TBC1D30: variants seen among roughly 807,000 people sequenced by gnomAD.
The protein encoded by TBC1D30 is TBC1 domain family member 30.
A neutral mutation model predicts 63.2 loss-of-function variants in TBC1D30; 31 were observed. That is an observed-to-expected ratio of 0.49 (90% CI 0.37 to 0.66). The LOEUF is 0.66. TBC1D30 is among the 30% of genes least tolerant of loss of function. The pLI is 0.00. For synonymous variants in TBC1D30, 307 were observed against 361.5 expected (o/e 0.85, Z 1.71); for missense variants, 810 against 953.6 (o/e 0.85, Z 1.98).
intron 6 of TBC1D30, 51 bp downstream of exon 6, chr12:64,836,709 C>T (rs563360007): frequency 1.2e-4 from 182 of 1,471,526 alleles, no homozygotes; most frequent in Non-Finnish European, 1.6e-4. Flanking sequence ...TCTCTGATTC[C>T]ACTGTACAAA....
At chr12:64,773,037 T>C (rs489537) in intron 1 of TBC1D30, among the ~76,000 whole-genome samples, 81,725 of 152,078 alleles carry the variant, frequency 0.54, 22,870 homozygotes, top group East Asian at 0.89. Flanking sequence ...GTCTACTGTG[T>C]ATTAATATGC....
intron 6 of TBC1D30, among the ~76,000 whole-genome samples, 176 bp from the exon 7 acceptor site, chr12:64,838,507 A>G (rs1177978447): frequency 6.6e-6 from 1 of 152,202 alleles, no homozygotes; most frequent in Non-Finnish European, 1.5e-5. Context: ...TGTTAAGCAT[A>G]CCTGTGTTCT....
At chr12:64,793,328 G>A (rs1872048082) in intron 2 of TBC1D30, among the ~76,000 whole-genome samples, 1 of 151,778 alleles carries the variant, frequency 6.6e-6, no homozygotes, top group South Asian at 2.1e-4. Flanking sequence ...GGGTGACAGA[G>A]TGAGATACTG....
chr12:64,853,538 G>GA (rs1348376321), intron 8 of TBC1D30, among the ~76,000 whole-genome samples: 49 of 151,354 alleles, frequency 3.2e-4, no homozygotes, highest in Middle Eastern at 6.8e-3. Flanking sequence ...ACTGGGGTAT[G>GA]AAAAAAAAAC....
intron 8 of TBC1D30, among the ~76,000 whole-genome samples, chr12:64,853,640 C>T (rs1258791612): frequency 6.6e-6 from 1 of 152,212 alleles, no homozygotes; most frequent in Non-Finnish European, 1.5e-5. Context: ...GAGGGAATCT[C>T]CTGGTCTGTG....
intron 10 of TBC1D30, chr12:64,868,534 G>T: frequency 3.6e-6 from 1 of 281,120 alleles, no homozygotes; most frequent in Admixed American, 4.3e-5. Flanking sequence ...TTGTGACTGT[G>T]TTTAGCTTTT....
At chr12:64,863,395 C>G (rs185899497) in intron 8 of TBC1D30, among the ~76,000 whole-genome samples, 1 of 152,172 alleles carries the variant, frequency 6.6e-6, no homozygotes, top group Admixed American at 6.5e-5. Context: ...CCTTCTGCTT[C>G]TTTTCTTGGG....
intron 8 of TBC1D30, among the ~76,000 whole-genome samples, chr12:64,847,033 G>A (rs1454622031): frequency 6.6e-6 from 1 of 152,092 alleles, no homozygotes; most frequent in African/African-American, 2.4e-5. Flanking sequence ...TTCTTTACTG[G>A]GAGATTTTTT....
chr12:64,796,276 C>T (rs1351752417), intron 2 of TBC1D30, among the ~76,000 whole-genome samples: 1 of 151,492 alleles, frequency 6.6e-6, no homozygotes, highest in African/African-American at 2.4e-5. Context: ...AAAAAATGAT[C>T]TCCATTTACC....
At chr12:64,795,162 C>T (rs1872175770) in intron 2 of TBC1D30, among the ~76,000 whole-genome samples, 1 of 152,118 alleles carries the variant, frequency 6.6e-6, no homozygotes, top group Non-Finnish European at 1.5e-5. Context: ...TGTGGATGGG[C>T]CCTTTGTTGT....
chr12:64,824,822 G>C lies in TBC1D30; in HGVS notation c.-58G>C. On this transcript the variant is annotated 5_prime_UTR_variant, in exon 1 of 12. Transcript: ENST00000539867. ...CTCCGCGAGCTCAGCCGCTCAGCGAGTGGGGTAGCGGGGACCGAGACGGAC... is the reference window on the plus strand; with the variant it reads ...CTCCGCGAGCTCAGCCGCTCAGCGACTGGGGTAGCGGGGACCGAGACGGAC... 1.3e-6 allele frequency: 2 copies of C among 1,506,040 alleles called. No homozygotes were observed. The highest frequency in any genetic ancestry group is 1.8e-6 in the Non-Finnish European group (2 of 1,130,400). The allele number at this position is 1,506,040 out of a possible 1,614,324, so 93.3% of individuals were successfully genotyped here.
At chr12:64,770,174 AT>A (rs1224998705) in intron 1 of TBC1D30, among the ~76,000 whole-genome samples, 1 of 152,150 alleles carries the variant, frequency 6.6e-6, no homozygotes, top group Non-Finnish European at 1.5e-5. Flanking sequence ...AGCTGTGGAT[AT>A]TTGATTTGCC....
Position 64,879,405 on chromosome 12 carries a change from T to C in TBC1D30, c.*3617T>C, listed in dbSNP as rs1016929527. On this transcript the variant is annotated 3_prime_UTR_variant, in exon 12 of 12. Coordinates refer to ENST00000539867, the MANE Select transcript of TBC1D30 (RefSeq NM_015279.2). ...ATGTATGTACATAGCCCGAATTATT[T>C]TCTTAGGATATGCGTATAGAAGTGG... is the stretch of plus-strand genomic sequence containing the variant. 4.6e-5 allele frequency: 7 copies of C among 152,262 alleles called. No individual in the cohort carries two copies. Among genetic ancestry groups the C allele is most frequent in the Non-Finnish European group, 1.0e-4 (7 of 68,044 alleles). The allele number at this position is 152,262 out of a possible 1,614,324, so 9.4% of individuals were successfully genotyped here. A position where few individuals can be genotyped will look rare whatever the true frequency, so the allele number is the denominator to read the frequency against.
upstream of TBC1D30, among the ~76,000 whole-genome samples, chr12:64,778,852 G>A (rs1416946428): frequency 3.3e-5 from 5 of 152,116 alleles, no homozygotes; most frequent in Non-Finnish European, 7.4e-5. Flanking sequence ...GCAGAGACGA[G>A]ACTTGGTGAG....
chr12:64,795,536 C>T (rs1872200899), intron 2 of TBC1D30, among the ~76,000 whole-genome samples: 1 of 152,160 alleles, frequency 6.6e-6, no homozygotes, highest in Admixed American at 6.5e-5. Flanking sequence ...TGTCAAGCCT[C>T]CTGGGGAACT....
chr12:64,816,782 TTCCC>T (rs1031430894), intron 2 of TBC1D30, among the ~76,000 whole-genome samples: 2 of 151,996 alleles, frequency 1.3e-5, no homozygotes, highest in East Asian at 1.9e-4. Flanking sequence ...TCTCTTTTCT[TTCCC>T]TCCCTCCCTC....
chr12:64,878,763 G>A lies in TBC1D30; in HGVS notation c.*2975G>A. Reference sequence around the variant, plus strand: ...ATGAACCAGGGAAACAGCCCAATAAGCTCTATCTCCCCCAGTCTAATCGCT... The same window carrying A: ...ATGAACCAGGGAAACAGCCCAATAAACTCTATCTCCCCCAGTCTAATCGCT... On this transcript the variant is annotated 3_prime_UTR_variant, in exon 12 of 12. Transcript: ENST00000539867. 3.0e-6 allele frequency: 1 copy of A among 338,148 alleles called. No homozygotes were observed. Among genetic ancestry groups the A allele is most frequent in the South Asian group, 2.4e-5 (1 of 42,170 alleles). The allele number at this position is 338,148 out of a possible 1,614,324, so 20.9% of individuals were successfully genotyped here. A position where few individuals can be genotyped will look rare whatever the true frequency, so the allele number is the denominator to read the frequency against.
chr12:64,809,011 T>C (rs1033231819), intron 2 of TBC1D30, among the ~76,000 whole-genome samples: 1 of 152,248 alleles, frequency 6.6e-6, no homozygotes, highest in African/African-American at 2.4e-5. Context: ...GAACATGGTA[T>C]AGCTCTGTGT....
chr12:64,789,423 A>G (rs114107542), intron 2 of TBC1D30, among the ~76,000 whole-genome samples: 9 of 152,084 alleles, frequency 5.9e-5, no homozygotes, highest in African/African-American at 1.7e-4. Flanking sequence ...GGCTCAAGCA[A>G]TCTGCCCTCC....
Sources: gnomAD v4.1 joint callset for allele counts (sites outside exome capture counted in the v4.1 genomes callset) on GRCh38, gnomAD v4.1.1 for gene constraint, MANE v1.5 for transcripts, NCBI Gene and HGNC (gene_info 2026-07-23, HGNC 2026-07-21) for gene names.